SATB2: variants seen among roughly 807,000 people sequenced by gnomAD.
SATB2 encodes DNA-binding protein SATB2.
A neutral mutation model predicts 73.4 loss-of-function variants in SATB2; 1 was observed. The observed-to-expected ratio is 0.01, with a 90% CI of 0.00 to 0.06. The LOEUF is 0.06. Among genes scored for constraint, SATB2 ranks in the 10% least tolerant of loss-of-function variants. The probability of loss-of-function intolerance (pLI) is 1.00; values close to 1 mark genes in which losing one functional copy is unlikely to be tolerated. For missense variants in SATB2, 459 were observed against 945.8 expected (o/e 0.49, Z 6.75); for synonymous variants, 397 against 367.0 (o/e 1.08, Z -0.93).
Position 199,272,264 on chromosome 2 carries a change from C to G in SATB2, c.2149G>C (p.Glu717Gln). The change falls in exon 11 of 11, where the codon GAG (glutamate) becomes CAG (glutamine). Residue 717 changes from glutamate to glutamine, a missense_variant. Around this residue, in one of 13 missense-constraint regions of SATB2, gnomAD observed 41 missense variants for 38.6 expected, o/e 1.06. Transcript: ENST00000417098. The surrounding 1 kb of genome is among the most constrained non-coding windows in gnomAD (Gnocchi z 6.7). Reference protein sequence around the residue: ...SEEMYKVEAEEENADKSKAAP... With the variant: ...SEEMYKVEAEQENADKSKAAP... ...GCCTTGCTTTTGTCAGCATTTTCCT[C>G]CTCAGCCTCCACTTTGTACATCTCC... 1 of 1,614,194 alleles carries G rather than the reference C, an allele frequency of 6.2e-7. No homozygotes were observed. The highest frequency in any genetic ancestry group is 8.5e-7 in the Non-Finnish European group (1 of 1,180,026).
At chr2:199,429,221 T>A (rs1574621448) in intron 3 of SATB2, among the ~76,000 whole-genome samples, 2 of 152,184 alleles carry the variant, frequency 1.3e-5, no homozygotes, top group African/African-American at 4.8e-5. Flanking sequence ...GAATAAGACA[T>A]AATTATCTTC....
chr2:199,466,775 T>C (rs781679726), upstream of SATB2, among the ~76,000 whole-genome samples: 11 of 152,258 alleles, frequency 7.2e-5, no homozygotes, highest in Non-Finnish European at 1.6e-4. Context: ...TTTCTGAAGA[T>C]GTGGATACTC....
chr2:199,420,382 T>A (rs772558061), intron 3 of SATB2, among the ~76,000 whole-genome samples: 7 of 152,160 alleles, frequency 4.6e-5, no homozygotes, highest in African/African-American at 9.7e-5. Flanking sequence ...AAGAATCTAG[T>A]GAGACTATGT....
chr2:199,318,403 CAAGAT>C (rs1687794008), intron 9 of SATB2, among the ~76,000 whole-genome samples: 4 of 152,012 alleles, frequency 2.6e-5, no homozygotes, highest in Admixed American at 1.3e-4. Flanking sequence ...AGTAATGAGA[CAAGAT>C]AATTTTTTAT....
intron 3 of SATB2, among the ~76,000 whole-genome samples, chr2:199,425,484 T>A (rs1040950655): frequency 6.6e-6 from 1 of 152,214 alleles, no homozygotes; most frequent in Non-Finnish European, 1.5e-5. Context: ...TGATAGGACT[T>A]TTTTTAGTGG....
chr2:199,387,100 C>A (rs1298062950), intron 3 of SATB2, among the ~76,000 whole-genome samples: 2 of 152,118 alleles, frequency 1.3e-5, no homozygotes, highest in African/African-American at 4.8e-5. Flanking sequence ...CTTATGAAAA[C>A]AGCCTGGACT....
In SATB2 at chr2:199,386,688, G is replaced by A. The variant is rs1452805273; in HGVS notation, c.347-4868C>T. Among the ~76,000 whole-genome samples the A allele has an allele frequency of 5.7e-4, 26 of 45,904 alleles. No homozygotes were observed. The Admixed American group carries it at 6.5e-3, about 12-fold the overall frequency. The allele number at this position is 45,904 out of a possible 152,430, so 30.1% of individuals were successfully genotyped here. ...TTAAATTAGGAAATATTTCATACACGTGCGCAAGCGCGCGCGCGCGCGCGC... is the reference window on the plus strand; with the variant it reads ...TTAAATTAGGAAATATTTCATACACATGCGCAAGCGCGCGCGCGCGCGCGC... On this transcript the variant is annotated intron_variant, in intron 3 of 10. Transcript: ENST00000417098.
chr2:199,288,544 G>T (rs1692752351), intron 10 of SATB2, among the ~76,000 whole-genome samples: 2 of 152,120 alleles, frequency 1.3e-5, no homozygotes, highest in South Asian at 4.2e-4. Context: ...TTACAGTTGG[G>T]GTACTCAGAA....
chr2:199,327,890 C>T (rs1688075163), intron 8 of SATB2, among the ~76,000 whole-genome samples: 1 of 152,164 alleles, frequency 6.6e-6, no homozygotes, highest in South Asian at 2.1e-4. Context: ...CATGCTTCCA[C>T]TGCAAGTGTT....
intron 7 of SATB2, among the ~76,000 whole-genome samples, chr2:199,337,654 T>C (rs1326607224): frequency 6.6e-6 from 1 of 152,182 alleles, no homozygotes; most frequent in Non-Finnish European, 1.5e-5. Flanking sequence ...TAAAAAGTAT[T>C]TCTTATAGGT....
chr2:199,296,642 T>A (rs1463390974), intron 10 of SATB2, among the ~76,000 whole-genome samples: 1 of 152,170 alleles, frequency 6.6e-6, no homozygotes, highest in African/African-American at 2.4e-5. Context: ...AAGGCTGCTA[T>A]GAGCCATGAT....
chr2:199,330,972 C>T (rs577718471), intron 7 of SATB2, among the ~76,000 whole-genome samples: 9 of 152,034 alleles, frequency 5.9e-5, no homozygotes, highest in Admixed American at 3.3e-4. Flanking sequence ...AGGGTCAACA[C>T]GGATAAATTT....
intron 10 of SATB2, among the ~76,000 whole-genome samples, chr2:199,296,597 TAGA>T (rs1194253705): frequency 6.6e-6 from 1 of 151,948 alleles, no homozygotes; most frequent in African/African-American, 2.4e-5. Context: ...GAGGCTGAGG[TAGA>T]AGAAGAGAGA....
chr2:199,325,692 T>C (rs1022639493), intron 8 of SATB2, among the ~76,000 whole-genome samples: 1 of 152,118 alleles, frequency 6.6e-6, no homozygotes, highest in Admixed American at 6.6e-5. Context: ...AAGCCTTCTC[T>C]CCAACCATGA....
At chr2:199,405,411 G>A (rs1484742149) in intron 3 of SATB2, among the ~76,000 whole-genome samples, 1 of 152,104 alleles carries the variant, frequency 6.6e-6, no homozygotes, top group Admixed American at 6.5e-5. Flanking sequence ...TCTACCACCA[G>A]GGGACCCAAT....
intron 5 of SATB2, among the ~76,000 whole-genome samples, chr2:199,369,326 TTCTTCC>T (rs1430645154): frequency 6.6e-6 from 1 of 152,180 alleles, no homozygotes; most frequent in East Asian, 1.9e-4. Flanking sequence ...AGGTGCATGA[TTCTTCC>T]TTGCTCTCAT....
chr2:199,444,876 T>C (rs866062228), intron 2 of SATB2, among the ~76,000 whole-genome samples: 3 of 152,324 alleles, frequency 2.0e-5, no homozygotes, highest in Middle Eastern at 3.4e-3. Context: ...CAAACAGCTA[T>C]GTTTTCAAAG....
rs573351317 is a variant in SATB2, at chr2:199,308,430, G to A, written c.1740+330C>T. Among the ~76,000 whole-genome samples, 2 of 152,214 alleles carry A rather than the reference G, an allele frequency of 1.3e-5. No homozygotes were observed. The highest frequency in any genetic ancestry group is 4.2e-4 in the South Asian group (2 of 4,814). On this transcript the variant is annotated intron_variant, in intron 10 of 10. Coordinates refer to ENST00000417098, the MANE Select transcript of SATB2 (RefSeq NM_001172509.2). This position sits in a 1 kb window ranked among gnomAD's most constrained non-coding sequence, Gnocchi z 4.6. ...TGAACTGATGGAAACCATGTTTTCC[G>A]ATCGAGAGATTTAATTCTCCGTGAG...
intron 3 of SATB2, among the ~76,000 whole-genome samples, chr2:199,400,511 AAAGT>A (rs1345613930): frequency 3.9e-5 from 6 of 152,226 alleles, no homozygotes; most frequent in African/African-American, 1.2e-4. Context: ...TTATTCCTTT[AAAGT>A]AAGATCCCCA....
Sources: gnomAD v4.1 joint callset for allele counts (sites outside exome capture counted in the v4.1 genomes callset) on GRCh38, gnomAD v4.1.1 for gene constraint, gnomAD v4.1.1 regional missense constraint, Gnocchi (gnomAD v3.1) non-coding constraint, MANE v1.5 for transcripts, NCBI Gene and HGNC (gene_info 2026-07-23, HGNC 2026-07-21) for gene names.